The following RHBDD1 variants were observed in gnomAD, a reference collection of about 807,000 sequenced individuals.
RHBDD1 encodes rhomboid domain containing 1.
A neutral mutation model predicts 36.3 loss-of-function variants in RHBDD1; 38 were observed. The observed-to-expected ratio is 1.05, with a 90% CI of 0.81 to 1.37. The LOEUF (loss-of-function observed/expected upper bound fraction) is 1.37, where lower values mean the gene tolerates loss of function less well. Ranked by LOEUF, RHBDD1 falls within the 40% of genes most tolerant of loss-of-function variation. The pLI is 0.00. For missense variants in RHBDD1, 393 were observed against 377.6 expected (o/e 1.04, Z -0.34); for synonymous variants, 151 against 136.5 (o/e 1.11, Z -0.74).
At chr2:226,879,625 T>C (rs1945539495) in intron 5 of RHBDD1, among the ~76,000 whole-genome samples, 1 of 152,196 alleles carries the variant, frequency 6.6e-6, no homozygotes, top group Non-Finnish European at 1.5e-5. Context: ...ATTTAATACA[T>C]TTTCCCAAAT....
chr2:226,922,980 G>A (rs534518607), intron 8 of RHBDD1, among the ~76,000 whole-genome samples: 10 of 152,168 alleles, frequency 6.6e-5, no homozygotes, highest in South Asian at 4.2e-4. Flanking sequence ...TACTGTTTAC[G>A]TTTGAAAAAT....
intron 8 of RHBDD1, among the ~76,000 whole-genome samples, chr2:226,988,154 T>A (rs1957411304): frequency 6.6e-6 from 1 of 152,212 alleles, no homozygotes; most frequent in Non-Finnish European, 1.5e-5. Flanking sequence ...ATTTAAACAC[T>A]CTTGCCCTCA....
intron 8 of RHBDD1, among the ~76,000 whole-genome samples, chr2:226,949,286 G>C (rs1050340564): frequency 4.6e-5 from 7 of 152,010 alleles, no homozygotes; most frequent in African/African-American, 1.7e-4. Flanking sequence ...ATTTCATATG[G>C]AACCAAAAAA....
At chr2:226,978,918 C>T (rs7576081) in intron 8 of RHBDD1, among the ~76,000 whole-genome samples, 1 of 151,810 alleles carries the variant, frequency 6.6e-6, no homozygotes, top group Admixed American at 6.5e-5. Context: ...AAGACAGGAG[C>T]GAGTGTGGGG....
At chr2:226,914,815 A>G (rs1016007566) in intron 8 of RHBDD1, among the ~76,000 whole-genome samples, 9 of 152,192 alleles carry the variant, frequency 5.9e-5, no homozygotes. Flanking sequence ...CTGGGGGTAG[A>G]GCCTAGAAAT....
intron 3 of RHBDD1, among the ~76,000 whole-genome samples, chr2:226,854,712 A>G (rs1471612079): frequency 6.6e-6 from 1 of 152,056 alleles, no homozygotes; most frequent in African/African-American, 2.4e-5. Flanking sequence ...TAATTATGAC[A>G]CTATTCATCG....
At chr2:226,955,633 C>T (rs547223725) in intron 8 of RHBDD1, among the ~76,000 whole-genome samples, 27 of 152,330 alleles carry the variant, frequency 1.8e-4, no homozygotes, top group African/African-American at 6.3e-4. Flanking sequence ...TCTCACTATT[C>T]TGGAGGTTAG....
At chr2:226,930,221 A>C (rs1453456934) in intron 8 of RHBDD1, among the ~76,000 whole-genome samples, 1 of 152,048 alleles carries the variant, frequency 6.6e-6, no homozygotes, top group African/African-American at 2.4e-5. Context: ...AGCAAAAAGA[A>C]CAATCCAGAG....
At chr2:226,819,977 G>T in the RHBDD1 span, among the ~76,000 whole-genome samples, 48 of 118,268 alleles carry the variant, frequency 4.1e-4, no homozygotes, top group African/African-American at 1.0e-3. Flanking sequence ...TATTGTGTGT[G>T]TTTTTTTTTT....
intron 3 of RHBDD1, among the ~76,000 whole-genome samples, chr2:226,840,822 T>C (rs770918825): frequency 6.6e-6 from 1 of 152,030 alleles, no homozygotes; most frequent in African/African-American, 2.4e-5. Flanking sequence ...TTATAAATAA[T>C]ATATAGGGGT....
chr2:226,899,191 T>A (rs1407651819), intron 5 of RHBDD1, among the ~76,000 whole-genome samples: 2 of 152,216 alleles, frequency 1.3e-5, no homozygotes, highest in South Asian at 2.1e-4. Flanking sequence ...CTTAAATGGA[T>A]GAGGAGCAGC....
intron 8 of RHBDD1, among the ~76,000 whole-genome samples, chr2:226,974,507 G>A (rs771207065): frequency 3.7e-4 from 57 of 152,270 alleles, no homozygotes; most frequent in Non-Finnish European, 1.6e-4. Flanking sequence ...AAAGTGCTGG[G>A]ATTACAGGCG....
At chr2:226,988,657 G>T (rs1252500192) in intron 8 of RHBDD1, 2 of 985,046 alleles carry the variant, frequency 2.0e-6, no homozygotes, top group African/African-American at 1.7e-5. Context: ...AGGAAGGTAG[G>T]ATTTTAATAT....
chr2:226,830,585 C>A (rs555568256), upstream of RHBDD1, among the ~76,000 whole-genome samples: 64 of 152,294 alleles, frequency 4.2e-4, no homozygotes, highest in African/African-American at 1.5e-3. Flanking sequence ...GCCCACTAGA[C>A]CCTCAGACTC....
At chr2:226,928,586 G>C (rs766905318) in intron 8 of RHBDD1, among the ~76,000 whole-genome samples, 1 of 151,724 alleles carries the variant, frequency 6.6e-6, no homozygotes, top group Non-Finnish European at 1.5e-5. Context: ...AATGTCACAC[G>C]TCAAGGAAGT....
chr2:226,904,420 G>GT lies in RHBDD1; in HGVS notation c.567-2373_567-2372insT, dbSNP rs747439885. Among the ~76,000 whole-genome samples the GT allele has an allele frequency of 3.5e-3, 518 of 149,078 alleles. 48 individuals carry two copies. Among genetic ancestry groups the GT allele is most frequent in the African/African-American group, 0.012 (493 of 40,206 alleles). On this transcript the variant is annotated intron_variant, in intron 5 of 8. Coordinates refer to ENST00000392062, the MANE Select transcript of RHBDD1 (RefSeq NM_001167608.3). ...CTGTGGCACATCCTGCAAGCGGGGGGGGAGGGGGGTCAGGGAACTCCTGTT... is the reference window on the plus strand; with the variant it reads ...CTGTGGCACATCCTGCAAGCGGGGGGTGGAGGGGGGTCAGGGAACTCCTGTT...
intron 8 of RHBDD1, among the ~76,000 whole-genome samples, chr2:226,915,969 G>C (rs1167062623): frequency 2.6e-5 from 4 of 152,328 alleles, no homozygotes; most frequent in East Asian, 1.9e-4. Context: ...GCTGGGGTCT[G>C]GCTGCTCTAA....
intron 8 of RHBDD1, among the ~76,000 whole-genome samples, chr2:226,948,564 T>TAAAAAAAAAAAAAAAAAAAAGA (rs1951168039): frequency 4.2e-5 from 1 of 23,556 alleles, no homozygotes; most frequent in African/African-American, 1.8e-4. Flanking sequence ...ACTTAAAGTA[T>TAAAAAAAAAAAAAAAAAAAAGA]AAAAAAAAAA....
chr2:226,982,920 TTG>T (rs1373634885), intron 8 of RHBDD1, among the ~76,000 whole-genome samples: 5 of 152,198 alleles, frequency 3.3e-5, no homozygotes, highest in Admixed American at 2.6e-4. Flanking sequence ...ATTGTATTTG[TTG>T]TGTTTTTCAG....
Sources: gnomAD v4.1 joint callset for allele counts (sites outside exome capture counted in the v4.1 genomes callset) on GRCh38, gnomAD v4.1.1 for gene constraint, MANE v1.5 for transcripts, NCBI Gene and HGNC (gene_info 2026-07-23, HGNC 2026-07-21) for gene names.